The following TCTN1 variants were observed in gnomAD, a reference collection of about 807,000 sequenced individuals.
TCTN1 encodes tectonic family member 1, also known as tectonic-1.
A neutral mutation model predicts 65.8 loss-of-function variants in TCTN1; 58 were observed. That is an observed-to-expected ratio of 0.88 (90% CI 0.71 to 1.10). The LOEUF is 1.10. Among genes scored for constraint, TCTN1 ranks in the 50% least tolerant of loss-of-function variants. The pLI, the probability that TCTN1 is intolerant of heterozygous loss-of-function variation, is 0.00. For synonymous variants in TCTN1, 273 were observed against 289.1 expected (o/e 0.94, Z 0.57); for missense variants, 645 against 719.4 (o/e 0.90, Z 1.18).
At chr12:110,622,270 T>C (rs1465569399) in intron 2 of TCTN1, among the ~76,000 whole-genome samples, 1 of 152,140 alleles carries the variant, frequency 6.6e-6, no homozygotes, top group African/African-American at 2.4e-5. Flanking sequence ...GCCAAAAACC[T>C]GGAGGCTCCC....
At chr12:110,628,542 T>C (rs576667290) in intron 3 of TCTN1, among the ~76,000 whole-genome samples, 14 of 152,226 alleles carry the variant, frequency 9.2e-5, no homozygotes, top group Non-Finnish European at 1.9e-4. Context: ...GATTTCACCG[T>C]GTTGGCCAGG....
At chr12:110,637,246 G>A (rs547792217) in intron 7 of TCTN1, among the ~76,000 whole-genome samples, 55 of 152,328 alleles carry the variant, frequency 3.6e-4, no homozygotes, top group Non-Finnish European at 6.6e-4. Context: ...GTAAGCGTCC[G>A]TGCAGAGGCA....
intron 3 of TCTN1, 98 bp downstream of exon 3, chr12:110,626,590 G>GT (rs1313800331): frequency 2.8e-5 from 36 of 1,290,936 alleles, no homozygotes; most frequent in South Asian, 2.4e-4. Flanking sequence ...TATGATTATG[G>GT]TTTTTTTGAG....
rs1456883313 is a variant in TCTN1 at position 110,649,161 on chromosome 12, A to G, written c.*120A>G. On this transcript the variant is annotated 3_prime_UTR_variant, in exon 15 of 15. Transcript: ENST00000397659. ...CAGCTTTGTTGCTCATTTTCAATTA[A>G]GGCTAAAGTGTTCAACATGAGAAAA... is the stretch of plus-strand genomic sequence containing the variant. 2 of 680,178 alleles carry G rather than the reference A, an allele frequency of 2.9e-6. No homozygotes were observed. Among genetic ancestry groups the G allele is most frequent in the South Asian group, 3.1e-5 (2 of 63,556 alleles). The allele number at this position is 680,178 out of a possible 1,614,324, so 42.1% of individuals were successfully genotyped here. A position where few individuals can be genotyped will look rare whatever the true frequency, so the allele number is the denominator to read the frequency against.
intron 5 of TCTN1, among the ~76,000 whole-genome samples, chr12:110,633,737 G>A (rs2066378782): frequency 6.6e-6 from 1 of 152,038 alleles, no homozygotes; most frequent in South Asian, 2.1e-4. Context: ...TGTCAGATTG[G>A]CAAAACTCAA....
chr12:110,627,120 C>T (rs2065908854), intron 3 of TCTN1, among the ~76,000 whole-genome samples: 1 of 132,832 alleles, frequency 7.5e-6, no homozygotes, highest in African/African-American at 2.9e-5. Flanking sequence ...TTTTTTGAGG[C>T]AGAGTCTCAC....
Position 110,614,416 on chromosome 12 carries a change from G to C in TCTN1, c.220+14G>C. On this transcript the variant is annotated intron_variant, in intron 1 of 14. Coordinates refer to ENST00000397659, the MANE Select transcript of TCTN1 (RefSeq NM_001082538.3). Reference sequence around the variant, plus strand: ...CAGTCACGGACGGTGGGTACCATGTGCCAGCTCCTGGAGTCCACAGTGATC... The same window carrying C: ...CAGTCACGGACGGTGGGTACCATGTCCCAGCTCCTGGAGTCCACAGTGATC... 1 of 1,582,754 alleles carries C rather than the reference G, an allele frequency of 6.3e-7. No homozygotes were observed. Among genetic ancestry groups the C allele is most frequent in the East Asian group, 2.3e-5 (1 of 43,666 alleles).
At chr12:110,637,308 G>A (rs555560749) in intron 7 of TCTN1, among the ~76,000 whole-genome samples, 14 of 152,344 alleles carry the variant, frequency 9.2e-5, no homozygotes, top group African/African-American at 1.7e-4. Context: ...CGGCATCTGC[G>A]CATGGGATGC....
chr12:110,615,170 C>T (rs2064949890), intron 1 of TCTN1, among the ~76,000 whole-genome samples: 1 of 151,978 alleles, frequency 6.6e-6, no homozygotes, highest in South Asian at 2.1e-4. Context: ...ATCCTAGCTA[C>T]TCGGGAGGCT....
At chr12:110,620,264 C>T (rs536315810) in intron 2 of TCTN1, among the ~76,000 whole-genome samples, 3 of 152,066 alleles carry the variant, frequency 2.0e-5, no homozygotes, top group East Asian at 1.9e-4. Flanking sequence ...AAAAATTAGC[C>T]GGGCATGTTG....
chr12:110,632,431 T>G, intron 4 of TCTN1, 41 bp from the exon 5 acceptor site: 1 of 1,607,826 alleles, frequency 6.2e-7, no homozygotes, highest in Non-Finnish European at 8.5e-7. Flanking sequence ...GAATGAATAC[T>G]TTAATTACAC....
chr12:110,645,072 C>T lies in TCTN1; in HGVS notation c.1437C>T (p.Ala479=), dbSNP rs2067207872. The change falls in exon 12 of 15, where the codon GCC becomes GCT. Residue 479 remains alanine, a synonymous_variant. Coordinates refer to ENST00000397659, the MANE Select transcript of TCTN1 (RefSeq NM_001082538.3). Reference sequence around the variant, plus strand: ...TGGCCCCTTTTGGAAATTCCCAGGCCCAGGACATGCTGGACTGGGTGCCCA... The same window carrying T: ...TGGCCCCTTTTGGAAATTCCCAGGCTCAGGACATGCTGGACTGGGTGCCCA... ...DYVAPFGNSQ[A]QDMLDWVPIH... is the part of the protein sequence containing the mutation. The T allele has an allele frequency of 6.2e-7, 1 of 1,614,136 alleles. No homozygotes were observed. Among genetic ancestry groups the T allele is most frequent in the East Asian group, 2.2e-5 (1 of 44,882 alleles).
intron 2 of TCTN1, among the ~76,000 whole-genome samples, chr12:110,622,150 T>C (rs796776027): frequency 1.3e-5 from 2 of 149,372 alleles, no homozygotes; most frequent in African/African-American, 2.4e-5. Flanking sequence ...AAAATAATAA[T>C]AATAATAATG....
intron 2 of TCTN1, among the ~76,000 whole-genome samples, chr12:110,624,204 G>A (rs1009624661): frequency 4.6e-5 from 7 of 150,742 alleles, no homozygotes; most frequent in Admixed American, 6.6e-5. Flanking sequence ...TTGTAGGCGT[G>A]AGCCACTGTG....
At chr12:110,636,435 T>G in intron 6 of TCTN1, 46 bp from the exon 7 acceptor site, 1 of 1,286,020 alleles carries the variant, frequency 7.8e-7, no homozygotes, top group Non-Finnish European at 1.1e-6. Context: ...AAAATACTTC[T>G]TTTTGTTGTA....
intron 6 of TCTN1, 26 bp from the exon 7 acceptor site, chr12:110,636,455 A>AT (rs746383550): frequency 3.7e-6 from 5 of 1,363,676 alleles, no homozygotes; most frequent in South Asian, 1.2e-5. Context: ...ACTTAACACA[A>AT]TTTTTTGTGG....
At position 110,639,903 on chromosome 12, in the gene TCTN1, G is replaced by T. The variant is rs142951849; in HGVS notation, c.844-480G>T. Among the ~76,000 whole-genome samples the T allele has an allele frequency of 6.6e-6, 1 of 152,098 alleles. No homozygotes were observed. Among genetic ancestry groups the T allele is most frequent in the Non-Finnish European group, 1.5e-5 (1 of 68,024 alleles). On this transcript the variant is annotated intron_variant, in intron 7 of 14. Coordinates refer to ENST00000397659, the MANE Select transcript of TCTN1 (RefSeq NM_001082538.3). The surrounding 1 kb of genome is among the most constrained non-coding windows in gnomAD (Gnocchi z 4.9). The stretch of plus-strand genomic sequence containing the variant: ...ATGGGTTTGCCTATTTGGACATTCC[G>T]TATAAATGGAATTAGAACTGTGGCC...
rs2066884683 is a variant in TCTN1, at chr12:110,640,498, G to A, written c.959G>A (p.Cys320Tyr). The change falls in exon 8 of 15, where the codon TGC becomes TAC. Residue 320 changes from cysteine to tyrosine, a missense_variant. By Grantham distance (194) the Cys-to-Tyr change is radical. Coordinates refer to ENST00000397659, the MANE Select transcript of TCTN1 (RefSeq NM_001082538.3). This position sits in a 1 kb window ranked among gnomAD's most constrained non-coding sequence, Gnocchi z 4.9. The stretch of plus-strand genomic sequence containing the variant: ...GTCAACGCTGGACACTTTAGCCTTT[G>A]CGTGAATGTTGTTCTTGAGGTAGGT... The part of the protein sequence containing the change: ...TLVNAGHFSL[C>Y]VNVVLEVKYS... The A allele has an allele frequency of 5.0e-6, 8 of 1,614,226 alleles. No homozygotes were observed. The highest frequency in any genetic ancestry group is 5.9e-6 in the Non-Finnish European group (7 of 1,180,044).
chr12:110,641,133 A>T lies in TCTN1; in HGVS notation c.1088A>T (p.Glu363Val). ...GTGGTCCCACTGCAGCAAAAGTTTG[A>T]AATTCATTTTCTTCAGGTAAGGTTG... ...SVVVPLQQKF[E>V]IHFLQENTQP... The change falls in exon 9 of 15, where the codon GAA (glutamate) becomes GTA (valine). Residue 363 changes from glutamate to valine, a missense_variant. Physicochemically the swap from Glu to Val is moderately radical, Grantham distance 121 (BLOSUM62 -2). Coordinates refer to ENST00000397659, the MANE Select transcript of TCTN1 (RefSeq NM_001082538.3). 3 of 1,614,238 alleles carry T rather than the reference A, an allele frequency of 1.9e-6. No homozygotes were observed. Among genetic ancestry groups the T allele is most frequent in the Non-Finnish European group, 2.5e-6 (3 of 1,180,048 alleles).
Sources: gnomAD v4.1 joint callset for allele counts (sites outside exome capture counted in the v4.1 genomes callset) on GRCh38, gnomAD v4.1.1 for gene constraint, Gnocchi (gnomAD v3.1) non-coding constraint, MANE v1.5 for transcripts, NCBI Gene and HGNC (gene_info 2026-07-23, HGNC 2026-07-21) for gene names.